The following GFRA2 variants were observed in gnomAD, a reference collection of about 807,000 sequenced individuals.
GFRA2 encodes GDNF family receptor alpha-2.
Under a neutral mutation model 48.3 loss-of-function variants are expected in GFRA2, and 17 were observed. That is an observed-to-expected ratio of 0.35 (90% CI 0.24 to 0.53). GFRA2 has a LOEUF of 0.53. Ranked by LOEUF, GFRA2 falls within the 20% of genes least tolerant of loss-of-function variation. GFRA2 has a pLI of 0.93. For synonymous variants in GFRA2, 305 were observed against 257.2 expected, an observed-to-expected ratio of 1.19 and a Z score of -1.78; for missense variants, 660 against 637.3, an observed-to-expected ratio of 1.04 and a Z score of -0.38.
intron 1 of GFRA2, among the ~76,000 whole-genome samples, chr8:21,786,379 G>C (rs928545876): frequency 5.9e-5 from 9 of 152,376 alleles, no homozygotes; most frequent in African/African-American, 2.2e-4. Flanking sequence ...CCATGCTGGG[G>C]TATGCAGCTC....
At chr8:21,769,158 T>C (rs1806320281) in intron 3 of GFRA2, 1 of 984,214 alleles carries the variant, frequency 1.0e-6, no homozygotes, top group Non-Finnish European at 1.2e-6. Context: ...CTGATTCTCT[T>C]ACAGCAGTGG....
chr8:21,788,082 T>C, intron 1 of GFRA2, 38 bp downstream of exon 1: 2 of 690,464 alleles, frequency 2.9e-6, no homozygotes, highest in South Asian at 1.8e-5. Flanking sequence ...CCCCGGCTTC[T>C]CGCCTCCCCC....
In GFRA2 at chr8:21,779,291, C is replaced by T. The variant is rs929093349; in HGVS notation, c.355+3294G>A. Among the ~76,000 whole-genome samples the T allele has an allele frequency of 3.3e-5, 5 of 152,356 alleles. No individual in the cohort carries two copies. In the East Asian group the frequency reaches 5.8e-4, roughly 18 times the overall value. On this transcript the variant is annotated intron_variant, in intron 2 of 8. Coordinates refer to ENST00000524240, the MANE Select transcript of GFRA2 (RefSeq NM_001495.5). ...AACCACACAGCAGCATGCAGCTAAA[C>T]GCACACAGCATCGTGCTCATTTCCC... is the stretch of plus-strand genomic sequence containing the variant.
intron 2 of GFRA2, among the ~76,000 whole-genome samples, chr8:21,777,711 T>C (rs1271236885): frequency 6.6e-6 from 1 of 152,030 alleles, no homozygotes; most frequent in Non-Finnish European, 1.5e-5. Context: ...GTAATGGCAG[T>C]GAGGAAAACG....
At chr8:21,715,708 C>A (rs112154976) in intron 4 of GFRA2, among the ~76,000 whole-genome samples, 39 of 152,324 alleles carry the variant, frequency 2.6e-4, no homozygotes, top group African/African-American at 8.9e-4. Context: ...CTGGGCCCAA[C>A]AGGGTCCTTG....
chr8:21,792,485 C>A (rs1247743172), upstream of GFRA2, among the ~76,000 whole-genome samples: 1 of 152,204 alleles, frequency 6.6e-6, no homozygotes, highest in Non-Finnish European at 1.5e-5. Flanking sequence ...TGAACGACTT[C>A]TCTGGCCCCA....
chr8:21,742,995 T>C (rs1326686928), intron 4 of GFRA2, among the ~76,000 whole-genome samples: 1 of 152,194 alleles, frequency 6.6e-6, no homozygotes, highest in Non-Finnish European at 1.5e-5. Flanking sequence ...GAGCTCTGAT[T>C]TGGAGCTTCT....
chr8:21,801,881 A>T (rs1036205579), intron 2 of GFRA2, among the ~76,000 whole-genome samples: 18 of 152,210 alleles, frequency 1.2e-4, no homozygotes, highest in African/African-American at 4.3e-4. Flanking sequence ...GATAGGACCC[A>T]GAAGCATGAA....
intron 4 of GFRA2, among the ~76,000 whole-genome samples, chr8:21,723,811 GAACA>G (rs933702908): frequency 6.6e-6 from 1 of 152,222 alleles, no homozygotes; most frequent in Non-Finnish European, 1.5e-5. Context: ...ACTTCCTGCA[GAACA>G]AACTCCAGTT....
At chr8:21,707,862 T>C (rs1414923321) in intron 4 of GFRA2, among the ~76,000 whole-genome samples, 1 of 152,220 alleles carries the variant, frequency 6.6e-6, no homozygotes, top group Non-Finnish European at 1.5e-5. Context: ...GTTATGTGTA[T>C]TTTACCACAA....
chr8:21,736,638 G>A (rs1052825073), intron 4 of GFRA2, among the ~76,000 whole-genome samples: 3 of 151,830 alleles, frequency 2.0e-5, no homozygotes, highest in Non-Finnish European at 2.9e-5. Context: ...TGGGACTAGA[G>A]GCAGGCACCA....
At chr8:21,720,048 C>T (rs1803519873) in intron 4 of GFRA2, among the ~76,000 whole-genome samples, 2 of 152,208 alleles carry the variant, frequency 1.3e-5, no homozygotes, top group South Asian at 2.1e-4. Flanking sequence ...ATTGCCTCTC[C>T]CTTCAACTTC....
intron 2 of GFRA2, among the ~76,000 whole-genome samples, chr8:21,804,804 C>T (rs1401541154): frequency 1.3e-5 from 2 of 152,054 alleles, no homozygotes; most frequent in South Asian, 2.1e-4. Flanking sequence ...TAAGCTCTCC[C>T]GACCCTCTTT....
chr8:21,768,019 C>G (rs1206492133), intron 3 of GFRA2, among the ~76,000 whole-genome samples: 1 of 152,220 alleles, frequency 6.6e-6, no homozygotes, highest in Non-Finnish European at 1.5e-5. Context: ...CCTCCAGCTC[C>G]GCCACCTGCG....
Position 21,782,700 on chromosome 8 carries a change from C to A in GFRA2, c.240G>T (p.Ala80=). The A allele has an allele frequency of 6.3e-7, 1 of 1,594,000 alleles. No individual in the cohort carries two copies. Among genetic ancestry groups the A allele is most frequent in the Non-Finnish European group, 8.5e-7 (1 of 1,170,786 alleles). ...GGCTCTCCTGCAAGACCTCCAAGGC[C>A]GCCTGGCACTCCTTGTTGGCCAGCA... ...NTMLANKECQ[A]ALEVLQESPL... Residue 80 remains alanine (A), a synonymous_variant, in exon 2 of 9, where the codon GCG becomes GCT. Transcript: ENST00000524240.
At chr8:21,743,469 T>C (rs777964402) in intron 4 of GFRA2, among the ~76,000 whole-genome samples, 1 of 152,140 alleles carries the variant, frequency 6.6e-6, no homozygotes. Flanking sequence ...TCTACACAAT[T>C]GTAGCTACAA....
chr8:21,696,364 A>G (rs1802174956), intron 7 of GFRA2, among the ~76,000 whole-genome samples: 1 of 152,070 alleles, frequency 6.6e-6, no homozygotes, highest in Non-Finnish European at 1.5e-5. Flanking sequence ...GCTGTTTTGT[A>G]TATTGGAGTC....
intron 1 of GFRA2, among the ~76,000 whole-genome samples, chr8:21,786,087 G>A (rs1279058291): frequency 6.6e-6 from 1 of 152,226 alleles, no homozygotes; most frequent in Admixed American, 6.5e-5. Flanking sequence ...CTGAAGGGCT[G>A]TGGAGCAAGG....
chr8:21,794,019 C>T (rs974064361), intron 2 of GFRA2, among the ~76,000 whole-genome samples: 24 of 151,784 alleles, frequency 1.6e-4, no homozygotes, highest in Non-Finnish European at 2.9e-4. Flanking sequence ...CTGCACCTGG[C>T]TTATTTATTT....
Sources: allele counts gnomAD v4.1 joint callset (sites outside exome capture counted in the v4.1 genomes callset), GRCh38; gene constraint gnomAD v4.1.1; transcripts MANE v1.5; gene names NCBI Gene and HGNC (gene_info 2026-07-23, HGNC 2026-07-21).